RASA1: variants seen among roughly 807,000 people sequenced by gnomAD.
RASA1 encodes RAS p21 protein activator 1.
Under a neutral mutation model 132.2 loss-of-function variants are expected in RASA1, and 25 were observed. That is an observed-to-expected ratio of 0.19 (90% CI 0.14 to 0.26). The LOEUF (loss-of-function observed/expected upper bound fraction) is 0.26, where lower values mean the gene tolerates loss of function less well. Ranked by LOEUF, RASA1 falls within the 10% of genes least tolerant of loss-of-function variation. RASA1 has a pLI of 1.00. For missense variants in RASA1, 964 were observed against 1,299.2 expected, an observed-to-expected ratio of 0.74 and a Z score of 3.97; for synonymous variants, 477 against 449.9, an observed-to-expected ratio of 1.06 and a Z score of -0.76.
intron 1 of RASA1, among the ~76,000 whole-genome samples, chr5:87,277,316 C>T (rs192933555): frequency 2.0e-5 from 3 of 152,252 alleles, no homozygotes; most frequent in East Asian, 1.9e-4. Flanking sequence ...TCCCCCCTGT[C>T]CCCCATAGTC....
chr5:87,358,897 C>G (rs1262534016), intron 9 of RASA1, among the ~76,000 whole-genome samples: 1 of 152,132 alleles, frequency 6.6e-6, no homozygotes, highest in African/African-American at 2.4e-5. Flanking sequence ...TATCCACTAG[C>G]CTCACTCTTA....
At chr5:87,299,201 A>G (rs1056092055) in intron 1 of RASA1, among the ~76,000 whole-genome samples, 5 of 152,216 alleles carry the variant, frequency 3.3e-5, no homozygotes, top group African/African-American at 1.2e-4. Flanking sequence ...CTAAACTTAC[A>G]TGCTTAGTGA....
At chr5:87,270,223 CAG>C (rs1412356519) in intron 1 of RASA1, among the ~76,000 whole-genome samples, 1 of 136,780 alleles carries the variant, frequency 7.3e-6, no homozygotes, top group Non-Finnish European at 1.5e-5. Flanking sequence ...GCCTGGGTGA[CAG>C]AGCGAGACTC....
chr5:87,282,198 G>A (rs913067161), intron 1 of RASA1, among the ~76,000 whole-genome samples: 1 of 151,690 alleles, frequency 6.6e-6, no homozygotes, highest in Non-Finnish European at 1.5e-5. Flanking sequence ...CTTTCTTGGT[G>A]TTTCAAGATT....
chr5:87,340,260 A>T (rs1041500850), intron 5 of RASA1, among the ~76,000 whole-genome samples: 1 of 151,994 alleles, frequency 6.6e-6, no homozygotes, highest in Admixed American at 6.6e-5. Context: ...GCCTTTCTGG[A>T]GTCTCTTAGG....
At chr5:87,383,059 A>C (rs919043125) in intron 20 of RASA1, among the ~76,000 whole-genome samples, 2 of 152,056 alleles carry the variant, frequency 1.3e-5, no homozygotes, top group Admixed American at 6.6e-5. Flanking sequence ...GGGCCACTGC[A>C]CTCCAGCCTG....
chr5:87,359,870 A>G (rs1759940150), intron 9 of RASA1, among the ~76,000 whole-genome samples: 1 of 152,200 alleles, frequency 6.6e-6, no homozygotes, highest in Non-Finnish European at 1.5e-5. Context: ...TCATGTCTAG[A>G]AAGGTTTACG....
intron 16 of RASA1, 25 bp from the exon 17 acceptor site, chr5:87,376,856 A>G (rs1310294349): frequency 3.2e-6 from 5 of 1,567,978 alleles, no homozygotes; most frequent in Non-Finnish European, 4.4e-6. Flanking sequence ...CGTACTTTAA[A>G]CAATCTTTTA....
At chr5:87,373,880 G>GA (rs1339779124) in intron 13 of RASA1, among the ~76,000 whole-genome samples, 2 of 151,838 alleles carry the variant, frequency 1.3e-5, no homozygotes, top group Admixed American at 1.3e-4. Flanking sequence ...TTTTATGGTA[G>GA]AAAAGGTGTA....
In RASA1 at chr5:87,269,269, C is replaced by G. The variant is rs898182262; in HGVS notation, c.539+279C>G. The G allele has an allele frequency of 2.3e-5, 36 of 1,537,460 alleles. No individual in the cohort carries two copies. The Admixed American group carries it at 5.3e-4, about 23-fold the overall frequency. On this transcript the variant is annotated intron_variant, in intron 1 of 24. Transcript: ENST00000274376. Reference sequence around the variant, plus strand: ...TATCTAATGAGAACCGGATATAGTTCTGTCCCTTCCAAGTTGAGGTGGTGT... The same window carrying G: ...TATCTAATGAGAACCGGATATAGTTGTGTCCCTTCCAAGTTGAGGTGGTGT...
chr5:87,372,895 T>A (rs185683064), intron 13 of RASA1, among the ~76,000 whole-genome samples: 1 of 152,286 alleles, frequency 6.6e-6, no homozygotes, highest in African/African-American at 2.4e-5. Flanking sequence ...AACATACTGT[T>A]CTACTGGGAG....
chr5:87,388,700 C>A (rs184332014), intron 23 of RASA1, among the ~76,000 whole-genome samples: 1 of 152,150 alleles, frequency 6.6e-6, no homozygotes, highest in Non-Finnish European at 1.5e-5. Flanking sequence ...TGAGCATAGT[C>A]CACAGATAAT....
chr5:87,320,460 G>C (rs1481768261), intron 1 of RASA1, among the ~76,000 whole-genome samples: 3 of 152,188 alleles, frequency 2.0e-5, no homozygotes, highest in African/African-American at 7.2e-5. Flanking sequence ...CTGTACAGGA[G>C]TCATGGCTGG....
At chr5:87,353,011 TC>T in intron 8 of RASA1, 145 bp from the exon 9 acceptor site, 1 of 636,364 alleles carries the variant, frequency 1.6e-6, no homozygotes, top group Non-Finnish European at 2.8e-6. Flanking sequence ...AATGTTATGA[TC>T]ATTTATTCTA....
chr5:87,300,807 C>G (rs190033539), intron 1 of RASA1, among the ~76,000 whole-genome samples: 1 of 151,908 alleles, frequency 6.6e-6, no homozygotes, highest in South Asian at 2.1e-4. Context: ...ACATAGTTAA[C>G]GAACAGAGAA....
At chr5:87,307,082 T>TTCAA (rs1755651305) in intron 1 of RASA1, among the ~76,000 whole-genome samples, 1 of 152,164 alleles carries the variant, frequency 6.6e-6, no homozygotes, top group Non-Finnish European at 1.5e-5. Flanking sequence ...TTGTCCAGGC[T>TTCAA]GGTATTGAAC....
chr5:87,341,257 A>C (rs1414536649), intron 5 of RASA1, 33 bp from the exon 6 acceptor site: 4 of 1,210,190 alleles, frequency 3.3e-6, no homozygotes, highest in Non-Finnish European at 3.2e-6. Flanking sequence ...ATAGTTAATT[A>C]TATAAAATAC....
intron 4 of RASA1, among the ~76,000 whole-genome samples, chr5:87,336,692 A>C (rs1757997647): frequency 1.3e-5 from 2 of 152,116 alleles, no homozygotes; most frequent in African/African-American, 4.8e-5. Flanking sequence ...GCTACTTTTA[A>C]CTAAGAAATG....
intron 1 of RASA1, among the ~76,000 whole-genome samples, chr5:87,283,666 G>T (rs1433891409): frequency 6.6e-6 from 1 of 152,012 alleles, no homozygotes; most frequent in Non-Finnish European, 1.5e-5. Context: ...TGAGAACATT[G>T]AGATGTGGAG....
Sources: allele counts gnomAD v4.1 joint callset (sites outside exome capture counted in the v4.1 genomes callset), GRCh38; gene constraint gnomAD v4.1.1; transcripts MANE v1.5; gene names NCBI Gene and HGNC (gene_info 2026-07-23, HGNC 2026-07-21).